DAW1: variants seen among roughly 807,000 people sequenced by gnomAD.
DAW1 encodes the protein dynein assembly factor with WD repeats 1.
Under a neutral mutation model 56.5 loss-of-function variants are expected in DAW1, and 47 were observed. The observed-to-expected ratio is 0.83, with a 90% confidence interval of 0.66 to 1.06. The LOEUF (loss-of-function observed/expected upper bound fraction) is 1.06. Ranked by LOEUF, DAW1 falls within the 50% of genes least tolerant of loss-of-function variation. DAW1 has a pLI of 0.00. For synonymous variants in DAW1, 190 were observed against 179.0 expected (o/e 1.06, Z -0.49); for missense variants, 505 against 499.3 (o/e 1.01, Z -0.11).
chr2:227,875,581 A>G (rs897392005), intron 1 of DAW1, among the ~76,000 whole-genome samples: 14 of 152,146 alleles, frequency 9.2e-5, no homozygotes, highest in Admixed American at 3.3e-4. Context: ...TAATCTACCC[A>G]TGGACATTTG....
At chr2:227,916,162 T>G (rs543027064) in intron 10 of DAW1, among the ~76,000 whole-genome samples, 2 of 152,122 alleles carry the variant, frequency 1.3e-5, no homozygotes, top group South Asian at 4.1e-4. Context: ...CTACACTATA[T>G]CTAATATGTA....
At chr2:227,898,376 A>C in intron 6 of DAW1, 95 bp downstream of exon 6, 3 of 591,048 alleles carry the variant, frequency 5.1e-6, no homozygotes, top group Non-Finnish European at 6.8e-6. Flanking sequence ...GCTGGAGTGC[A>C]GTGGCACAAT....
In DAW1 at chr2:227,924,127, C is replaced by A; in HGVS notation, c.*159C>A. The A allele has an allele frequency of 1.2e-6, 1 of 841,108 alleles. No individual in the cohort carries two copies. Among genetic ancestry groups the A allele is most frequent in the Non-Finnish European group, 1.9e-6 (1 of 529,280 alleles). The allele number at this position is 841,108 out of a possible 1,614,324, so 52.1% of individuals were successfully genotyped here. A position where few individuals can be genotyped will look rare whatever the true frequency, so the allele number is the denominator to read the frequency against. ...TCATTTCACAGATATGACCATTAAA[C>A]ATGACAAAGTTATGCCACTCCAATA... On this transcript the variant is annotated 3_prime_UTR_variant, in exon 13 of 13. Coordinates refer to ENST00000309931, the MANE Select transcript of DAW1 (RefSeq NM_178821.3).
At chr2:227,914,119 A>G (rs546827515) in intron 10 of DAW1, among the ~76,000 whole-genome samples, 46 of 151,938 alleles carry the variant, frequency 3.0e-4, no homozygotes, top group Middle Eastern at 6.8e-3. Context: ...ATCTGTGTCT[A>G]CCTCATTTGT....
rs1050491432 is a variant in DAW1, at chr2:227,904,972, G to A, written c.692G>A (p.Gly231Glu). 2 of 1,613,840 alleles carry A rather than the reference G, an allele frequency of 1.2e-6. No homozygotes were observed. The highest frequency in any genetic ancestry group is 2.7e-5 in the African/African-American group (2 of 75,044). Residue 231 changes from glycine (G) to glutamate (E), a missense_variant, in exon 8 of 13, where the codon GGA (glycine) becomes GAA (glutamate). Gly to Glu is a moderately conservative substitution (Grantham distance 98). Transcript: ENST00000309931. ...EIISLSFNTS[G>E]DRIITGSFDH... ...ATCTCCTTGTCATTTAACACCTCAG[G>A]AGACAGAATCATCACGGGGTCTTTT...
chr2:227,892,775 G>C (rs1691296521), intron 4 of DAW1, among the ~76,000 whole-genome samples: 1 of 151,948 alleles, frequency 6.6e-6, no homozygotes, highest in Non-Finnish European at 1.5e-5. Context: ...TCAATTTTGT[G>C]GGTTGTTTTC....
intron 10 of DAW1, among the ~76,000 whole-genome samples, chr2:227,917,142 A>ATCTATCTATCTATCTATCTG (rs1162712241): frequency 2.7e-4 from 38 of 138,546 alleles, no homozygotes; most frequent in South Asian, 9.1e-4. Flanking sequence ...CTATCTATCT[A>ATCTATCTATCTATCTATCTG]TCTGTCTGTC....
At chr2:227,915,255 A>G (rs1691925027) in intron 10 of DAW1, among the ~76,000 whole-genome samples, 1 of 152,116 alleles carries the variant, frequency 6.6e-6, no homozygotes, top group South Asian at 2.1e-4. Flanking sequence ...ATGCTATACT[A>G]TGATTTTATT....
chr2:227,903,293 A>C (rs1038743540), intron 7 of DAW1, among the ~76,000 whole-genome samples, 184 bp downstream of exon 7: 2 of 152,158 alleles, frequency 1.3e-5, no homozygotes, highest in Non-Finnish European at 2.9e-5. Flanking sequence ...GGGAAGTCCA[A>C]GGAGCTTTTT....
chr2:227,893,855 G>A lies in DAW1; in HGVS notation c.378G>A (p.Glu126=), dbSNP rs1012007594. 1.7e-5 allele frequency: 27 copies of A among 1,613,888 alleles called. No homozygotes were observed. Among genetic ancestry groups the A allele is most frequent in the Non-Finnish European group, 2.3e-5 (27 of 1,179,988 alleles). The stretch of plus-strand genomic sequence containing the variant: ...TCTGGGACACTGCGTCTGGAGAGGA[G>A]CTGAACACGCTGGAGGGCCACAGGA... ...CKLWDTASGE[E]LNTLEGHRNV... The change falls in exon 5 of 13, where the codon GAG becomes GAA. Residue 126 remains glutamate, a synonymous_variant. Coordinates refer to ENST00000309931, the MANE Select transcript of DAW1 (RefSeq NM_178821.3).
intron 4 of DAW1, among the ~76,000 whole-genome samples, chr2:227,893,528 C>T (rs1691325949): frequency 6.6e-6 from 1 of 151,590 alleles, no homozygotes; most frequent in African/African-American, 2.4e-5. Context: ...AAAATATAGC[C>T]AGGCGTGGTG....
rs1259254073 is a variant in DAW1, at chr2:227,921,390, C to G, written c.1051-9C>G. On this transcript the variant is annotated splice_polypyrimidine_tract_variant and intron_variant, in intron 11 of 12. Coordinates refer to ENST00000309931, the MANE Select transcript of DAW1 (RefSeq NM_178821.3). Reference sequence around the variant, plus strand: ...CAAAGCTGTGATCATTTTTCTTTCTCTTTTGCAGATTTCTTTCAACCCTCA... The same window carrying G: ...CAAAGCTGTGATCATTTTTCTTTCTGTTTTGCAGATTTCTTTCAACCCTCA... The G allele has an allele frequency of 9.5e-6, 11 of 1,161,700 alleles. No individual in the cohort carries two copies. The highest frequency in any genetic ancestry group is 7.1e-5 in the East Asian group (1 of 14,030). The allele number at this position is 1,161,700 out of a possible 1,614,324, so 72.0% of individuals were successfully genotyped here.
At chr2:227,891,952 C>A (rs1691275608) in intron 4 of DAW1, among the ~76,000 whole-genome samples, 1 of 151,998 alleles carries the variant, frequency 6.6e-6, no homozygotes, top group South Asian at 2.1e-4. Context: ...GAAGCTGTTC[C>A]ACAGCTCCTG....
chr2:227,889,719 C>A, intron 2 of DAW1, 137 bp from the exon 3 acceptor site: 1 of 657,724 alleles, frequency 1.5e-6, no homozygotes, highest in Non-Finnish European at 2.3e-6. Flanking sequence ...CCCCAGATAT[C>A]TCTTGGGAAA....
chr2:227,921,329 T>TGG, intron 11 of DAW1, 70 bp from the exon 12 acceptor site: 12 of 602,336 alleles, frequency 2.0e-5, no homozygotes, highest in East Asian at 1.0e-4. Flanking sequence ...TTTTTTTTTT[T>TGG]TTTTGCTGAT....
chr2:227,909,232 TTATCTATCTATC>T (rs3057690), intron 10 of DAW1, among the ~76,000 whole-genome samples: 9 of 138,876 alleles, frequency 6.5e-5, no homozygotes, highest in East Asian at 4.2e-4. Flanking sequence ...GGTGGTGATA[TTATCTATCTATC>T]TATCTATCTA....
intron 6 of DAW1, among the ~76,000 whole-genome samples, chr2:227,898,487 A>T (rs1691465215): frequency 6.6e-6 from 1 of 151,712 alleles, no homozygotes; most frequent in Non-Finnish European, 1.5e-5. Context: ...CGCCCCGCTA[A>T]TTTTTTGTAT....
intron 10 of DAW1, among the ~76,000 whole-genome samples, chr2:227,910,332 G>T (rs1464858790): frequency 6.6e-6 from 1 of 152,012 alleles, no homozygotes; most frequent in Admixed American, 6.6e-5. Context: ...AATTAGTCAG[G>T]TGTGGTGGCA....
At chr2:227,904,790 A>T (rs1691640752) in intron 7 of DAW1, 139 bp from the exon 8 acceptor site, 2 of 673,168 alleles carry the variant, frequency 3.0e-6, no homozygotes, top group Admixed American at 3.0e-5. Context: ...GACACTCCCC[A>T]TCCTCACCCC....
Sources: allele counts gnomAD v4.1 joint callset (sites outside exome capture counted in the v4.1 genomes callset), GRCh38; gene constraint gnomAD v4.1.1; transcripts MANE v1.5; gene names NCBI Gene and HGNC (gene_info 2026-07-23, HGNC 2026-07-21).